The following CTNNA2 variants were observed in gnomAD, a reference collection of about 807,000 sequenced individuals.
CTNNA2 encodes catenin alpha 2, also known as catenin alpha-2.
A neutral mutation model predicts 101.0 loss-of-function variants in CTNNA2; 42 were observed. The ratio of observed to expected loss-of-function variants is 0.42; its 90% CI spans 0.32 to 0.54. The LOEUF (loss-of-function observed/expected upper bound fraction) is 0.54. Ranked by LOEUF, CTNNA2 falls within the 20% of genes least tolerant of loss-of-function variation. The pLI is 0.14. For missense variants in CTNNA2, 871 were observed against 1,223.1 expected, an observed-to-expected ratio of 0.71 and a Z score of 4.29; for synonymous variants, 450 against 456.4, an observed-to-expected ratio of 0.99 and a Z score of 0.18.
Position 79,644,287 on chromosome 2 carries a change from C to T in CTNNA2, c.-5-7265C>T, listed in dbSNP as rs575026315. ...ACTCCTGACCTTGTGATCCTCCCAG[C>T]TCGGTCTCCCAAAGTGCTGGGATTA... On this transcript the variant is annotated intron_variant, in intron 1 of 18. Coordinates refer to ENST00000402739, the MANE Select transcript of CTNNA2 (RefSeq NM_001282597.3). 1.6e-4 allele frequency among the ~76,000 whole-genome samples: 24 copies of T among 152,248 alleles called. No homozygotes were observed. In the East Asian group the frequency reaches 3.9e-3, roughly 25 times the overall value.
intron 4 of CTNNA2, among the ~76,000 whole-genome samples, chr2:79,435,890 CA>C (rs1678708180): frequency 6.6e-6 from 1 of 152,142 alleles, no homozygotes; most frequent in Non-Finnish European, 1.5e-5. Flanking sequence ...TGTACTTGAG[CA>C]GAACATTTCT....
At chr2:79,531,028 A>C (rs1249338544) in intron 1 of CTNNA2, among the ~76,000 whole-genome samples, 1 of 151,782 alleles carries the variant, frequency 6.6e-6, no homozygotes, top group Non-Finnish European at 1.5e-5. Context: ...ATAAAATTTG[A>C]TGGAGGGGAG....
At chr2:79,657,267 G>T (rs554972860) in intron 2 of CTNNA2, among the ~76,000 whole-genome samples, 1 of 151,770 alleles carries the variant, frequency 6.6e-6, no homozygotes, top group Admixed American at 6.6e-5. Flanking sequence ...AGTAAATCCC[G>T]AAACAAGAAA....
intron 7 of CTNNA2, among the ~76,000 whole-genome samples, chr2:80,024,012 G>A (rs142624405): frequency 0.036 from 5,459 of 151,724 alleles, 162 homozygotes; most frequent in African/African-American, 0.075. Context: ...GCGTAAACCC[G>A]GGAGGCGGAG....
At chr2:80,326,350 T>C (rs148456112) in intron 7 of CTNNA2, among the ~76,000 whole-genome samples, 22 of 152,364 alleles carry the variant, frequency 1.4e-4, no homozygotes, top group African/African-American at 5.3e-4. Context: ...CTAATGAGTT[T>C]AGCTTTGCTG....
chr2:79,209,817 G>C (rs1674147198), intron 2 of CTNNA2, among the ~76,000 whole-genome samples: 1 of 49,430 alleles, frequency 2.0e-5, no homozygotes, highest in Non-Finnish European at 3.5e-5. Context: ...AAATCACCCA[G>C]CTCAGGCCTA....
At chr2:80,456,115 G>A (rs78135951) in intron 9 of CTNNA2, among the ~76,000 whole-genome samples, 2,116 of 152,254 alleles carry the variant, frequency 0.014, 53 homozygotes, top group African/African-American at 0.047. Context: ...GCCTGGAGCC[G>A]GATGTGGGAT....
chr2:80,531,325 T>A (rs1210199767), intron 9 of CTNNA2, among the ~76,000 whole-genome samples: 2 of 152,176 alleles, frequency 1.3e-5, no homozygotes, highest in Non-Finnish European at 2.9e-5. Context: ...CTATTAGATA[T>A]ACTCTAGGGC....
chr2:79,220,331 C>T (rs1424387273), intron 2 of CTNNA2, among the ~76,000 whole-genome samples: 1 of 152,100 alleles, frequency 6.6e-6, no homozygotes, highest in Non-Finnish European at 1.5e-5. Flanking sequence ...CAGATGAAGA[C>T]AAAAACATCC....
intron 7 of CTNNA2, among the ~76,000 whole-genome samples, chr2:79,962,837 C>T (rs562623180): frequency 2.6e-5 from 4 of 152,064 alleles, no homozygotes; most frequent in South Asian, 2.1e-4. Flanking sequence ...TTTGGGAGGC[C>T]GAGGCGGGCG....
chr2:79,805,386 G>T (rs114884207), intron 3 of CTNNA2, among the ~76,000 whole-genome samples: 2 of 152,108 alleles, frequency 1.3e-5, no homozygotes, highest in Non-Finnish European at 2.9e-5. Context: ...AATTTTGTGC[G>T]TGGAACAAAG....
intron 6 of CTNNA2, among the ~76,000 whole-genome samples, chr2:79,907,993 T>C (rs1006234203): frequency 6.6e-6 from 1 of 152,182 alleles, no homozygotes. Context: ...AATCAGAGAA[T>C]TGGAGCCCAG....
intron 3 of CTNNA2, among the ~76,000 whole-genome samples, chr2:79,854,313 T>A (rs1680962688): frequency 6.6e-6 from 1 of 152,256 alleles, no homozygotes; most frequent in Non-Finnish European, 1.5e-5. Flanking sequence ...AGTAGTGGTA[T>A]TAATGAATAA....
intron 7 of CTNNA2, among the ~76,000 whole-genome samples, chr2:80,175,903 G>A (rs956527258): frequency 1.3e-5 from 2 of 152,204 alleles, no homozygotes; most frequent in African/African-American, 4.8e-5. Context: ...TCCAGCACAG[G>A]AGAAAGATGG....
intron 13 of CTNNA2, among the ~76,000 whole-genome samples, chr2:80,581,063 C>T (rs993029981): frequency 2.0e-5 from 3 of 152,094 alleles, no homozygotes; most frequent in African/African-American, 7.2e-5. Flanking sequence ...TTAAAAAATA[C>T]CTACTCTGTG....
At chr2:80,528,344 T>C (rs548971510) in intron 9 of CTNNA2, among the ~76,000 whole-genome samples, 2 of 152,124 alleles carry the variant, frequency 1.3e-5, no homozygotes, top group African/African-American at 2.4e-5. Flanking sequence ...CTACAGGCAC[T>C]CACCACCATG....
intron 7 of CTNNA2, among the ~76,000 whole-genome samples, chr2:80,372,697 T>A (rs971831569): frequency 2.6e-5 from 4 of 151,574 alleles, no homozygotes; most frequent in African/African-American, 4.9e-5. Flanking sequence ...TTTTTTTTTT[T>A]ATTGAGCCAC....
intron 1 of CTNNA2, among the ~76,000 whole-genome samples, chr2:79,538,543 C>A (rs2103975110): frequency 6.6e-6 from 1 of 152,164 alleles, no homozygotes. Flanking sequence ...GGGGAAAATC[C>A]AGAGATATGG....
intron 2 of CTNNA2, among the ~76,000 whole-genome samples, chr2:79,309,312 T>A (rs543258291): frequency 6.6e-5 from 10 of 152,308 alleles, no homozygotes; most frequent in African/African-American, 2.2e-4. Context: ...GATAGATTTT[T>A]AATATTAAAT....
Sources: allele counts gnomAD v4.1 joint callset (sites outside exome capture counted in the v4.1 genomes callset), GRCh38; gene constraint gnomAD v4.1.1; transcripts MANE v1.5; gene names NCBI Gene and HGNC (gene_info 2026-07-23, HGNC 2026-07-21).